HSD17B12: variants seen among roughly 807,000 people sequenced by gnomAD.
HSD17B12 encodes hydroxysteroid 17-beta dehydrogenase 12, also known as very-long-chain 3-oxoacyl-CoA reductase.
HSD17B12 carries 32 observed loss-of-function variants against 39.3 expected under a neutral mutation model. The observed-to-expected ratio is 0.81, with a 90% confidence interval of 0.61 to 1.09. The LOEUF (loss-of-function observed/expected upper bound fraction) is 1.09. Ranked by LOEUF, HSD17B12 falls within the 50% of genes least tolerant of loss-of-function variation. HSD17B12 has a pLI of 0.00. For synonymous variants in HSD17B12, 150 were observed against 146.7 expected (o/e 1.02, Z -0.16); for missense variants, 342 against 382.9 (o/e 0.89, Z 0.89).
intron 1 of HSD17B12, chr11:43,733,677 A>G (rs974713410): frequency 2.1e-6 from 1 of 470,150 alleles, no homozygotes. Flanking sequence ...ATCTTTAGTA[A>G]CTTTTAAAAA....
intron 1 of HSD17B12, among the ~76,000 whole-genome samples, chr11:43,697,177 A>C (rs989899399): frequency 1.3e-5 from 2 of 152,210 alleles, no homozygotes; most frequent in African/African-American, 4.8e-5. Context: ...AACTTGAAAT[A>C]AAACAAACAA....
At chr11:43,657,334 C>A in the HSD17B12 span, among the ~76,000 whole-genome samples, 3 of 152,120 alleles carry the variant, frequency 2.0e-5, no homozygotes, top group Non-Finnish European at 2.9e-5. Flanking sequence ...CAGCACACTG[C>A]TGGGTCTTGA....
intron 1 of HSD17B12, among the ~76,000 whole-genome samples, chr11:43,699,558 T>C (rs1949943441): frequency 6.6e-6 from 1 of 152,242 alleles, no homozygotes; most frequent in Non-Finnish European, 1.5e-5. Flanking sequence ...CCAAAATATG[T>C]ATATTTGAAA....
At chr11:43,640,564 T>G in the HSD17B12 span, among the ~76,000 whole-genome samples, 1 of 152,112 alleles carries the variant, frequency 6.6e-6, no homozygotes, top group Non-Finnish European at 1.5e-5. Context: ...TTTAGGTTTT[T>G]TTCTTTCATA....
chr11:43,705,005 C>T (rs1312969675), intron 1 of HSD17B12, among the ~76,000 whole-genome samples: 2 of 152,122 alleles, frequency 1.3e-5, no homozygotes, highest in Non-Finnish European at 2.9e-5. Flanking sequence ...CAGCTGAAAG[C>T]GTCCTAAGCT....
intron 3 of HSD17B12, among the ~76,000 whole-genome samples, chr11:43,788,028 A>C (rs1447962991): frequency 6.6e-6 from 1 of 152,218 alleles, no homozygotes; most frequent in African/African-American, 2.4e-5. Context: ...CTCAATCAGC[A>C]TTTTTAAAAT....
the HSD17B12 span, among the ~76,000 whole-genome samples, chr11:43,599,580 C>T: frequency 2.0e-5 from 3 of 152,190 alleles, no homozygotes; most frequent in African/African-American, 7.2e-5. Flanking sequence ...TTCTGCCCTC[C>T]TGCCTCTGGT....
chr11:43,840,743 A>G (rs1212788999), intron 9 of HSD17B12, among the ~76,000 whole-genome samples: 1 of 152,180 alleles, frequency 6.6e-6, no homozygotes, highest in Non-Finnish European at 1.5e-5. Flanking sequence ...GCCATTGTAT[A>G]TAGACCACAT....
the HSD17B12 span, among the ~76,000 whole-genome samples, chr11:43,561,057 T>A: frequency 6.6e-6 from 1 of 152,196 alleles, no homozygotes; most frequent in Non-Finnish European, 1.5e-5. Context: ...CATCTGCTGA[T>A]CTCTTCACTG....
At chr11:43,589,735 A>G in the HSD17B12 span, among the ~76,000 whole-genome samples, 1 of 152,208 alleles carries the variant, frequency 6.6e-6, no homozygotes. Flanking sequence ...GGCAAGAATG[A>G]TGAAGGCAGC....
chr11:43,605,309 C>T, the HSD17B12 span, among the ~76,000 whole-genome samples: 866 of 152,116 alleles, frequency 5.7e-3, 20 homozygotes, highest in Admixed American at 0.038. Flanking sequence ...TGCCTGTAAT[C>T]CCAGTGCTTT....
At chr11:43,680,526 GGGGCGCCTCGGTGGGGTGAGACA>G (rs1949730798), upstream of HSD17B12, 2 of 427,224 alleles carry the variant, frequency 4.7e-6, no homozygotes, top group South Asian at 2.4e-5. Flanking sequence ...ATGAGAGACC[GGGGCGCCTCGGTGGGGTGAGACA>G]GGGCGCTCAC....
chr11:43,694,027 A>G (rs1191897564), intron 1 of HSD17B12, among the ~76,000 whole-genome samples: 7 of 152,382 alleles, frequency 4.6e-5, no homozygotes, highest in South Asian at 4.1e-4. Flanking sequence ...CAAAAGCCAC[A>G]TTGGGCTAGA....
the HSD17B12 span, among the ~76,000 whole-genome samples, chr11:43,664,659 G>A: frequency 6.6e-6 from 1 of 152,152 alleles, no homozygotes; most frequent in Admixed American, 6.5e-5. Context: ...GACTAGCTAG[G>A]AGCCTGGAAC....
At chr11:43,803,966 A>C (rs980309644) in intron 4 of HSD17B12, among the ~76,000 whole-genome samples, 1 of 152,200 alleles carries the variant, frequency 6.6e-6, no homozygotes, top group African/African-American at 2.4e-5. Flanking sequence ...AGAGACTCTC[A>C]TGTGTGCTCC....
intron 1 of HSD17B12, among the ~76,000 whole-genome samples, chr11:43,718,353 G>C (rs116166379): frequency 0.012 from 1,794 of 152,186 alleles, 40 homozygotes; most frequent in African/African-American, 0.041. Context: ...TCCCATTATG[G>C]CATCAACCTG....
At chr11:43,558,386 A>G in the HSD17B12 span, among the ~76,000 whole-genome samples, 31 of 150,870 alleles carry the variant, frequency 2.1e-4, no homozygotes, top group African/African-American at 7.3e-4. Flanking sequence ...GTGTTGGCCA[A>G]ACCTCATCAA....
At chr11:43,712,786 G>A (rs538598658) in intron 1 of HSD17B12, among the ~76,000 whole-genome samples, 16 of 152,226 alleles carry the variant, frequency 1.1e-4, no homozygotes, top group East Asian at 7.7e-4. Context: ...AGTTCACAAC[G>A]TTTACAAAAG....
chr11:43,572,888 C>T, the HSD17B12 span, among the ~76,000 whole-genome samples: 1 of 152,162 alleles, frequency 6.6e-6, no homozygotes, highest in South Asian at 2.1e-4. Context: ...GAGGGACTTC[C>T]CTTGGTTGAT....
Sources: gnomAD v4.1 joint callset for allele counts (sites outside exome capture counted in the v4.1 genomes callset) on GRCh38, gnomAD v4.1.1 for gene constraint, MANE v1.5 for transcripts, NCBI Gene and HGNC (gene_info 2026-07-23, HGNC 2026-07-21) for gene names.